The following CACNA1D variants were observed in gnomAD, a reference collection of about 807,000 sequenced individuals.
CACNA1D encodes the protein voltage-dependent L-type calcium channel subunit alpha-1D.
Under a neutral mutation model 257.1 loss-of-function variants are expected in CACNA1D, and 55 were observed. The ratio of observed to expected loss-of-function variants is 0.21; its 90% CI spans 0.17 to 0.27. The LOEUF (loss-of-function observed/expected upper bound fraction) is 0.27. Among genes scored for constraint, CACNA1D ranks in the 10% least tolerant of loss-of-function variants. CACNA1D has a pLI of 1.00. For missense variants in CACNA1D, 1,876 were observed against 2,784.0 expected (o/e 0.67, Z 7.34); for synonymous variants, 980 against 1,014.9 (o/e 0.97, Z 0.65).
Position 53,665,684 on chromosome 3 carries a change from T to C in CACNA1D, c.791T>C (p.Ile264Thr), listed in dbSNP as rs1307800526. 1 of 1,612,908 alleles carries C rather than the reference T, an allele frequency of 6.2e-7. No homozygotes were observed. The highest frequency in any genetic ancestry group is 1.3e-5 in the African/African-American group (1 of 74,902). ...VPSLQVVLNS[I>T]IKAMVPLLHI... is the part of the protein sequence containing the mutation. Reference sequence around the variant, plus strand: ...GGTTTACAAGTTGTCCTGAACTCCATTATAAAAGCCATGGTTCCCCTCCTT... The same window carrying C: ...GGTTTACAAGTTGTCCTGAACTCCACTATAAAAGCCATGGTTCCCCTCCTT... Residue 264 changes from isoleucine to threonine, a missense_variant, in exon 6 of 48, where the codon ATT becomes ACT. By Grantham distance (89) the Ile-to-Thr change is moderately conservative (BLOSUM62 -1). Around this residue, in one of 10 missense-constraint regions of CACNA1D, gnomAD observed 188 missense variants for 390.4 expected, o/e 0.48. Transcript: ENST00000350061.
intron 2 of CACNA1D, among the ~76,000 whole-genome samples, chr3:53,501,289 A>G (rs554812919): frequency 6.6e-6 from 1 of 152,320 alleles, no homozygotes; most frequent in African/African-American, 2.4e-5. Context: ...AACCTGTAAG[A>G]AGCAGAAACC....
At chr3:53,805,424 T>G (rs1484383962) in intron 45 of CACNA1D, among the ~76,000 whole-genome samples, 1 of 152,082 alleles carries the variant, frequency 6.6e-6, no homozygotes, top group East Asian at 1.9e-4. Flanking sequence ...TGGTAAGGGG[T>G]GTTTTGCATA....
At chr3:53,804,070 C>T in intron 44 of CACNA1D, among the ~76,000 whole-genome samples, 1 of 152,200 alleles carries the variant, frequency 6.6e-6, no homozygotes, top group East Asian at 1.9e-4. Flanking sequence ...GTCCATCTTG[C>T]TTCTGTCCTA....
chr3:53,755,150 A>G (rs1447161773), intron 29 of CACNA1D, among the ~76,000 whole-genome samples: 1 of 152,206 alleles, frequency 6.6e-6, no homozygotes, highest in Admixed American at 6.5e-5. Flanking sequence ...ACTGATGGAA[A>G]AGGTTGCAAA....
chr3:53,570,886 C>A (rs980691030), intron 3 of CACNA1D, among the ~76,000 whole-genome samples: 5 of 152,200 alleles, frequency 3.3e-5, no homozygotes, highest in African/African-American at 1.2e-4. Context: ...TGGAGCTGGG[C>A]ATTGACAGAT....
At chr3:53,620,349 G>A (rs1363727872) in intron 3 of CACNA1D, among the ~76,000 whole-genome samples, 2 of 152,170 alleles carry the variant, frequency 1.3e-5, no homozygotes, top group East Asian at 3.9e-4. Context: ...GGAGTGCAGT[G>A]GTGTGATCAT....
chr3:53,568,970 T>C (rs923659734), intron 3 of CACNA1D, among the ~76,000 whole-genome samples: 2 of 152,176 alleles, frequency 1.3e-5, no homozygotes, highest in African/African-American at 4.8e-5. Context: ...CATCCCTCAC[T>C]GTACTTGATT....
At chr3:53,678,643 G>C (rs1345624061) in intron 8 of CACNA1D, among the ~76,000 whole-genome samples, 1 of 152,180 alleles carries the variant, frequency 6.6e-6, no homozygotes, top group Non-Finnish European at 1.5e-5. Flanking sequence ...CAGGGGCCTA[G>C]ACAAAGACTC....
chr3:53,787,043 C>CAGT (rs1168409891), intron 40 of CACNA1D, 91 bp downstream of exon 40: 27 of 1,353,972 alleles, frequency 2.0e-5, no homozygotes, highest in Non-Finnish European at 2.7e-5. Context: ...CATGGTTGAG[C>CAGT]AGTACCACAA....
At chr3:53,799,967 CA>C in intron 40 of CACNA1D, 1 of 479,770 alleles carries the variant, frequency 2.1e-6, no homozygotes, top group South Asian at 2.0e-5. Flanking sequence ...CAGATCCTAG[CA>C]CTAGTAACCA....
intron 3 of CACNA1D, among the ~76,000 whole-genome samples, chr3:53,568,824 C>G (rs750883924): frequency 3.9e-5 from 6 of 152,278 alleles, no homozygotes; most frequent in East Asian, 3.9e-4. Context: ...TTTCCATATT[C>G]CCTGCTGCCT....
intron 3 of CACNA1D, among the ~76,000 whole-genome samples, chr3:53,582,473 G>A (rs886214779): frequency 6.6e-6 from 1 of 152,140 alleles, no homozygotes; most frequent in African/African-American, 2.4e-5. Flanking sequence ...AGGGAGCTGG[G>A]CAGGCAGGGA....
chr3:53,596,468 A>G (rs1049069493), intron 3 of CACNA1D, among the ~76,000 whole-genome samples: 1 of 152,174 alleles, frequency 6.6e-6, no homozygotes, highest in African/African-American at 2.4e-5. Context: ...TAATCTCTTG[A>G]ACCTGTGAGT....
At chr3:53,507,080 A>C (rs1281617646) in intron 3 of CACNA1D, among the ~76,000 whole-genome samples, 1 of 150,846 alleles carries the variant, frequency 6.6e-6, no homozygotes, top group Non-Finnish European at 1.5e-5. Context: ...CTCAAAAAAA[A>C]AAAAAAAAAA....
At position 53,723,966 on chromosome 3, in the gene CACNA1D, C is replaced by T. The variant is rs1162950766; in HGVS notation, c.2067C>T (p.Asp689=). The T allele has an allele frequency of 6.2e-7, 1 of 1,614,186 alleles. No individual in the cohort carries two copies. The part of the protein sequence containing the change: ...DETQTKRSTF[D]NFPQALLTVF... ...CGCAAACCAAGCGGAGCACCTTTGA[C>T]AATTTCCCTCAAGCACTTCTCACAG... Residue 689 remains aspartate (D), a synonymous_variant, in exon 14 of 48, where the codon GAC becomes GAT. Coordinates refer to ENST00000350061, the MANE Select transcript of CACNA1D (RefSeq NM_001128840.3). The surrounding 1 kb of genome is among the most constrained non-coding windows in gnomAD (Gnocchi z 5.6).
At chr3:53,798,326 TGC>T (rs1553686538) in intron 40 of CACNA1D, among the ~76,000 whole-genome samples, 6,367 of 148,786 alleles carry the variant, frequency 0.043, 546 homozygotes, top group East Asian at 0.22. Flanking sequence ...TGTGTGTGTG[TGC>T]GTGTGTGTGC....
chr3:53,549,931 A>T (rs1313037605), intron 3 of CACNA1D, among the ~76,000 whole-genome samples: 2 of 152,014 alleles, frequency 1.3e-5, no homozygotes, highest in Non-Finnish European at 2.9e-5. Flanking sequence ...CCCTTCAAAT[A>T]CTCAAAGGAT....
chr3:53,766,257 T>C (rs1390969651), intron 30 of CACNA1D: 1 of 152,214 alleles, frequency 6.6e-6, no homozygotes, highest in East Asian at 1.9e-4. Context: ...CACAGTAAGG[T>C]TGTGTAGTCC....
Position 53,721,807 on chromosome 3 carries a change from T to TA in CACNA1D, c.1506-494dup, listed in dbSNP as rs58964113. ...AAGAAAGGATTGAAAAGGTTCCCTT[T>TA]AAAAAAAAAAAAACTAGCTTTGTAG... On this transcript the variant is annotated intron_variant, in intron 11 of 47. Transcript: ENST00000350061. Among the ~76,000 whole-genome samples, 975 of 143,340 alleles carry TA rather than the reference T, an allele frequency of 6.8e-3. 3 individuals are homozygous for TA. Among genetic ancestry groups the TA allele is most frequent in the South Asian group, 0.014 (64 of 4,516 alleles). 94.0% of individuals were successfully genotyped at this position (143,340 alleles called of 152,430 possible).
Sources: allele counts gnomAD v4.1 joint callset (sites outside exome capture counted in the v4.1 genomes callset), GRCh38; gene constraint gnomAD v4.1.1; regional missense constraint gnomAD v4.1.1; non-coding constraint Gnocchi (gnomAD v3.1); transcripts MANE v1.5; gene names NCBI Gene and HGNC (gene_info 2026-07-23, HGNC 2026-07-21).